The following ACSM2A variants were observed in gnomAD, a reference collection of about 807,000 sequenced individuals.
ACSM2A encodes the protein acyl-coenzyme A synthetase ACSM2A, mitochondrial.
A neutral mutation model predicts 76.6 loss-of-function variants in ACSM2A; 72 were observed. The observed-to-expected ratio is 0.94, with a 90% confidence interval of 0.78 to 1.14. The LOEUF (loss-of-function observed/expected upper bound fraction) is 1.14. Ranked by LOEUF, ACSM2A falls within the 50% of genes most tolerant of loss-of-function variation. The pLI is 0.00. For missense variants in ACSM2A, 684 were observed against 708.5 expected, an observed-to-expected ratio of 0.97 and a Z score of 0.39; for synonymous variants, 249 against 255.9, an observed-to-expected ratio of 0.97 and a Z score of 0.26.
intron 3 of ACSM2A, among the ~76,000 whole-genome samples, chr16:20,467,218 A>G (rs2013053729): frequency 6.6e-6 from 1 of 152,244 alleles, no homozygotes. Flanking sequence ...AAAAGAAAGT[A>G]GTGGCAATAG....
intron 13 of ACSM2A, 89 bp from the exon 14 acceptor site, chr16:20,486,485 G>C (rs1000770370): frequency 7.6e-6 from 11 of 1,456,870 alleles, no homozygotes; most frequent in Non-Finnish European, 8.6e-6. Context: ...CCAGCCTGAA[G>C]AACTTCCCCT....
intron 2 of ACSM2A, among the ~76,000 whole-genome samples, chr16:20,464,680 A>G (rs1434695948): frequency 2.0e-5 from 3 of 152,148 alleles, no homozygotes; most frequent in African/African-American, 2.4e-5. Context: ...TTGCATTTCA[A>G]CATGAGACTT....
Position 20,483,063 on chromosome 16 carries a change from GA to G in ACSM2A, c.1517del (p.Lys506ArgfsTer26). The G allele has an allele frequency of 6.2e-7, 1 of 1,613,750 alleles. No individual in the cohort carries two copies. The highest frequency in any genetic ancestry group is 8.5e-7 in the Non-Finnish European group (1 of 1,179,800). ...GGCCTTCATCTTTTTTGCAGGTGGT[GA>G]AGGCATTTGTGGTCCTGGCCTCGCA... The part of the protein sequence containing the change: ...SPDPVRGEVV[K>X]AFVVLASQFL... On this transcript the variant is annotated frameshift_variant, in exon 13 of 14. Transcript: ENST00000573854. LOFTEE classifies it high-confidence loss of function.
rs780719861 is a variant in ACSM2A, at chr16:20,478,560, C to A, written c.1180-16C>A. On this transcript the variant is annotated splice_polypyrimidine_tract_variant and intron_variant, in intron 9 of 13. Coordinates refer to ENST00000573854, the MANE Select transcript of ACSM2A (RefSeq NM_001308172.2). ...CTGCTGTGTGCATCATTCTTCCAAT[C>A]TGCTTCTTTCTCCAGATCATAGATG... is the stretch of plus-strand genomic sequence containing the variant. The A allele has an allele frequency of 4.7e-5, 75 of 1,611,520 alleles. 1 individual carries two copies. In the Middle Eastern group the frequency reaches 8.2e-4, roughly 18 times the overall value.
rs541859911 is a variant in ACSM2A at position 20,453,359 on chromosome 16, G to A, written c.-9+1678G>A. 3.5e-4 allele frequency: 53 copies of A among 151,502 alleles called. 1 individual carries two copies. In the East Asian group the frequency reaches 5.1e-3, roughly 15 times the overall value. 9.4% of individuals were successfully genotyped at this position (151,502 alleles called of 1,614,324 possible). On this transcript the variant is annotated intron_variant, in intron 1 of 13. Transcript: ENST00000573854. The stretch of plus-strand genomic sequence containing the variant: ...AATTAATACTTTTATAATTTCTTAT[G>A]CCTGTCTTTACTGCAATCTCTGAAC...
intron 1 of ACSM2A, among the ~76,000 whole-genome samples, chr16:20,457,978 C>T (rs1303774945): frequency 6.6e-6 from 1 of 151,812 alleles, no homozygotes; most frequent in South Asian, 2.1e-4. Flanking sequence ...TTTCAGGACA[C>T]AAAATTAATG....
rs918859958 is a variant in ACSM2A, at chr16:20,478,513, A to C, written c.1180-63A>C. The C allele has an allele frequency of 4.3e-5, 68 of 1,569,734 alleles. 1 individual carries two copies. Among genetic ancestry groups the C allele is most frequent in the South Asian group, 2.9e-4 (25 of 86,036 alleles). ...TTCATTTGACCAATTCAGCAATCTC[A>C]TGATGCCATTGAAGCCATCTCCTGC... is the stretch of plus-strand genomic sequence containing the variant. On this transcript the variant is annotated intron_variant, in intron 9 of 13. Transcript: ENST00000573854.
chr16:20,485,116 T>C (rs2014314920), intron 13 of ACSM2A, among the ~76,000 whole-genome samples: 1 of 152,190 alleles, frequency 6.6e-6, no homozygotes, highest in African/African-American at 2.4e-5. Context: ...TAAGAAGGCA[T>C]CAGACACTTA....
chr16:20,485,649 C>G (rs2014344169), intron 13 of ACSM2A, among the ~76,000 whole-genome samples: 1 of 152,194 alleles, frequency 6.6e-6, no homozygotes, highest in African/African-American at 2.4e-5. Context: ...TGCCTGCAGG[C>G]CATAGTTTGC....
rs1567356831 is a variant in ACSM2A, at chr16:20,458,909, T to TATATATATAC, written c.-8-1189_-8-1188insCATATATATA. 1.2e-4 allele frequency among the ~76,000 whole-genome samples: 7 copies of TATATATATAC among 56,692 alleles called. No individual in the cohort carries two copies. The East Asian group carries it at 0.013, about 107-fold the overall frequency. 37.2% of individuals were successfully genotyped at this position (56,692 alleles called of 152,430 possible). Reference sequence around the variant, plus strand: ...AGTATATATTATATATATATGCATATATATATATATATATATATATATACA... The same window carrying TATATATATAC: ...AGTATATATTATATATATATGCATATATATATATACATATATATATATATATATATATACA... On this transcript the variant is annotated intron_variant, in intron 1 of 13. Coordinates refer to ENST00000573854, the MANE Select transcript of ACSM2A (RefSeq NM_001308172.2).
intron 2 of ACSM2A, among the ~76,000 whole-genome samples, chr16:20,464,436 C>G (rs559913977): frequency 2.0e-5 from 3 of 152,288 alleles, no homozygotes; most frequent in Non-Finnish European, 4.4e-5. Context: ...CTGGCATCTG[C>G]TTCTGATGAG....
intron 2 of ACSM2A, among the ~76,000 whole-genome samples, chr16:20,463,904 A>G (rs34718250): frequency 1.4e-4 from 22 of 152,170 alleles, no homozygotes; most frequent in Non-Finnish European, 2.5e-4. Flanking sequence ...TTATCTATTC[A>G]TCAAACATTC....
At position 20,480,872 on chromosome 16, in the gene ACSM2A, C is replaced by T; in HGVS notation, c.1460C>T (p.Ala487Val). Residue 487 changes from alanine to valine, a missense_variant, in exon 12 of 14, where the codon GCT (alanine) becomes GTT (valine). Transcript: ENST00000573854. Reference sequence around the variant, plus strand: ...GAGAATGCACTGATGGAGCACCCTGCTGTGGTTGAGACGGCTGTGATCAGC... The same window carrying T: ...GAGAATGCACTGATGGAGCACCCTGTTGTGGTTGAGACGGCTGTGATCAGC... Reference protein sequence around the residue: ...EVENALMEHPAVVETAVISSP... With the variant: ...EVENALMEHPVVVETAVISSP... 8.1e-6 allele frequency: 13 copies of T among 1,613,920 alleles called. No homozygotes were observed. Among genetic ancestry groups the T allele is most frequent in the Non-Finnish European group, 1.0e-5 (12 of 1,179,862 alleles).
chr16:20,470,347 A>G (rs1245606549), intron 4 of ACSM2A, among the ~76,000 whole-genome samples: 1 of 152,192 alleles, frequency 6.6e-6, no homozygotes, highest in Non-Finnish European at 1.5e-5. Context: ...TCAAGGGCAG[A>G]GGACTTTCCA....
rs572404670 is a variant in ACSM2A, at chr16:20,463,232, A to G, written c.178-2285A>G. 1.1e-4 allele frequency among the ~76,000 whole-genome samples: 17 copies of G among 151,590 alleles called. No homozygotes were observed. The South Asian group carries it at 2.3e-3, about 21-fold the overall frequency. Reference sequence around the variant, plus strand: ...TGTACCCTAAAACTTAAAGTATAATAATAAAAAAAGAAATATCAGGCAAAT... The same window carrying G: ...TGTACCCTAAAACTTAAAGTATAATGATAAAAAAAGAAATATCAGGCAAAT... On this transcript the variant is annotated intron_variant, in intron 2 of 13. Coordinates refer to ENST00000573854, the MANE Select transcript of ACSM2A (RefSeq NM_001308172.2).
In ACSM2A at chr16:20,480,896, G is replaced by T; in HGVS notation, c.1484G>T (p.Ser495Ile). The change falls in exon 12 of 14, where the codon AGC (serine) becomes ATC (isoleucine). Residue 495 changes from serine to isoleucine, a missense_variant. Transcript: ENST00000573854. The stretch of plus-strand genomic sequence containing the variant: ...GCTGTGGTTGAGACGGCTGTGATCA[G>T]CAGCCCAGACCCCGTCCGAGGAGAG... ...HPAVVETAVI[S>I]SPDPVRGEVV... The T allele has an allele frequency of 6.2e-7, 1 of 1,613,988 alleles. No homozygotes were observed. Among genetic ancestry groups the T allele is most frequent in the Non-Finnish European group, 8.5e-7 (1 of 1,179,866 alleles).
chr16:20,477,332 T>G (rs760300332), intron 8 of ACSM2A, 37 bp from the exon 9 acceptor site: 2 of 1,585,928 alleles, frequency 1.3e-6, no homozygotes, highest in East Asian at 4.5e-5. Flanking sequence ...TTGTACCTCC[T>G]CCTGAGGTTT....
rs375249457 is a variant in ACSM2A at position 20,459,846 on chromosome 16, TG to T, written c.-8-259del. On this transcript the variant is annotated intron_variant, in intron 1 of 13. Transcript: ENST00000573854. ...TTTAAGCACAAGGGGATTTATTACA[TG>T]GAAATGGGCGTTCACAAAACTGTCA... Among the ~76,000 whole-genome samples, 10 of 152,278 alleles carry T rather than the reference TG, an allele frequency of 6.6e-5. No individual in the cohort carries two copies. In the East Asian group the frequency reaches 1.7e-3, roughly 26 times the overall value.
rs1311422319 is a variant in ACSM2A, at chr16:20,468,399, C to G, written c.389-1113C>G. Among the ~76,000 whole-genome samples, 29 of 152,358 alleles carry G rather than the reference C, an allele frequency of 1.9e-4. No homozygotes were observed. The East Asian group carries it at 5.4e-3, about 28-fold the overall frequency. ...CTTTTATTTTTTTGAGACGGAGTCT[C>G]CCTCTGTAGTCCAGGCTGGAGTTCA... is the stretch of plus-strand genomic sequence containing the variant. On this transcript the variant is annotated intron_variant, in intron 3 of 13. Coordinates refer to ENST00000573854, the MANE Select transcript of ACSM2A (RefSeq NM_001308172.2).
Sources: gnomAD v4.1 joint callset for allele counts (sites outside exome capture counted in the v4.1 genomes callset) on GRCh38, gnomAD v4.1.1 for gene constraint, MANE v1.5 for transcripts, NCBI Gene and HGNC (gene_info 2026-07-23, HGNC 2026-07-21) for gene names.